ZNF608: variants seen among roughly 807,000 people sequenced by gnomAD.
The protein encoded by ZNF608 is zinc finger protein 608.
A neutral mutation model predicts 109.0 loss-of-function variants in ZNF608; 12 were observed. The ratio of observed to expected loss-of-function variants is 0.11; its 90% CI spans 0.07 to 0.18. The LOEUF is 0.18. Among genes scored for constraint, ZNF608 ranks in the 10% least tolerant of loss-of-function variants. The pLI is 1.00. For synonymous variants in ZNF608, 732 were observed against 717.4 expected (o/e 1.02, Z -0.33); for missense variants, 1,707 against 1,879.3 (o/e 0.91, Z 1.70).
chr5:124,716,367 C>A (rs1268564873), intron 2 of ZNF608, among the ~76,000 whole-genome samples: 1 of 151,530 alleles, frequency 6.6e-6, no homozygotes, highest in Non-Finnish European at 1.5e-5. Context: ...CCTTCAACCA[C>A]AAGTCATTTA....
At chr5:124,676,905 CA>C (rs1210191198) in intron 3 of ZNF608, among the ~76,000 whole-genome samples, 1 of 152,002 alleles carries the variant, frequency 6.6e-6, no homozygotes, top group Non-Finnish European at 1.5e-5. Context: ...ATAAAAACCA[CA>C]AAATTCAGGA....
chr5:124,664,433 A>G (rs1751394705), intron 3 of ZNF608, among the ~76,000 whole-genome samples: 1 of 152,230 alleles, frequency 6.6e-6, no homozygotes, highest in African/African-American at 2.4e-5. Context: ...TATTTTACAC[A>G]CTAGGCAGTT....
At chr5:124,638,996 G>T in intron 9 of ZNF608, 137 bp downstream of exon 9, 1 of 884,754 alleles carries the variant, frequency 1.1e-6, no homozygotes, top group Non-Finnish European at 1.8e-6. Context: ...AACTTATATT[G>T]GCATAATAAA....
intron 3 of ZNF608, among the ~76,000 whole-genome samples, chr5:124,685,531 A>C (rs1194232848): frequency 5.3e-5 from 8 of 151,498 alleles, no homozygotes; most frequent in Admixed American, 5.3e-4. Context: ...ACCCACTGGT[A>C]GAGTATCTGC....
rs376325729 is a variant in ZNF608, at chr5:124,733,142, C to T, written c.906+10942G>A. Among the ~76,000 whole-genome samples the T allele has an allele frequency of 2.0e-3, 307 of 151,714 alleles. 9 individuals carry two copies. In the South Asian group the frequency reaches 0.058, roughly 28 times the overall value. ...CTTTCACCTCATCCATAGGATTTGGCGACCAAGTAAATCTTAATCTGCAAA... is the reference window on the plus strand; with the variant it reads ...CTTTCACCTCATCCATAGGATTTGGTGACCAAGTAAATCTTAATCTGCAAA... On this transcript the variant is annotated intron_variant, in intron 2 of 9. Transcript: ENST00000513986.
At chr5:124,723,032 A>AG in intron 2 of ZNF608, among the ~76,000 whole-genome samples, 1 of 142,890 alleles carries the variant, frequency 7.0e-6, no homozygotes, top group South Asian at 2.3e-4. Context: ...TAAAAAAAAA[A>AG]TTTTTTTTTT....
intron 3 of ZNF608, among the ~76,000 whole-genome samples, chr5:124,667,915 C>A (rs535649539): frequency 2.6e-5 from 4 of 152,222 alleles, no homozygotes; most frequent in Non-Finnish European, 4.4e-5. Context: ...AGAGAGTGAA[C>A]AGAAGACTCC....
chr5:124,690,602 C>T (rs897857118), intron 3 of ZNF608, among the ~76,000 whole-genome samples: 1 of 152,038 alleles, frequency 6.6e-6, no homozygotes, highest in Non-Finnish European at 1.5e-5. Context: ...AATTGCAGCA[C>T]TTTGGGAGGC....
intron 3 of ZNF608, among the ~76,000 whole-genome samples, chr5:124,664,965 G>A (rs948838979): frequency 2.6e-5 from 4 of 152,086 alleles, no homozygotes; most frequent in African/African-American, 9.7e-5. Flanking sequence ...CACGAGGTCA[G>A]GAGTTTGAGA....
chr5:124,676,744 G>A (rs1378323607), intron 3 of ZNF608, among the ~76,000 whole-genome samples: 2 of 152,170 alleles, frequency 1.3e-5, no homozygotes, highest in African/African-American at 4.8e-5. Context: ...ACATGATGCA[G>A]CATTAACAGT....
intron 2 of ZNF608, among the ~76,000 whole-genome samples, chr5:124,736,809 G>A (rs1220391067): frequency 6.6e-6 from 1 of 152,174 alleles, no homozygotes; most frequent in East Asian, 1.9e-4. Context: ...TGACCAATTG[G>A]AACTTTGTCG....
chr5:124,730,402 T>G (rs1297565895), intron 2 of ZNF608, among the ~76,000 whole-genome samples: 8 of 152,242 alleles, frequency 5.3e-5, no homozygotes, highest in Non-Finnish European at 1.2e-4. Flanking sequence ...CAATCACCAG[T>G]ATATAGCTAT....
At chr5:124,640,491 C>A (rs540432928) in intron 8 of ZNF608, among the ~76,000 whole-genome samples, 1 of 152,036 alleles carries the variant, frequency 6.6e-6, no homozygotes, top group South Asian at 2.1e-4. Flanking sequence ...GGAAGAGAGG[C>A]CTGAGCAGAC....
At chr5:124,724,298 G>T (rs533693489) in intron 2 of ZNF608, among the ~76,000 whole-genome samples, 36 of 151,832 alleles carry the variant, frequency 2.4e-4, no homozygotes, top group Non-Finnish European at 4.4e-4. Context: ...GAACAGTCTG[G>T]GGGGCATAAG....
chr5:124,721,810 C>T (rs1158323116), intron 2 of ZNF608, among the ~76,000 whole-genome samples: 9 of 151,156 alleles, frequency 6.0e-5, no homozygotes, highest in African/African-American at 1.7e-4. Flanking sequence ...AGGTGGCGGG[C>T]GCCTGTCATC....
At chr5:124,716,626 G>C (rs763865909) in intron 2 of ZNF608, among the ~76,000 whole-genome samples, 1 of 152,118 alleles carries the variant, frequency 6.6e-6, no homozygotes, top group East Asian at 1.9e-4. Flanking sequence ...GGTGGAGTGG[G>C]GTAGGGTAGG....
chr5:124,722,597 ACACACAC>A (rs1454413886), intron 2 of ZNF608, among the ~76,000 whole-genome samples: 4 of 151,592 alleles, frequency 2.6e-5, no homozygotes, highest in Non-Finnish European at 4.4e-5. Flanking sequence ...ACACACACAC[ACACACAC>A]ACACACACAC....
intron 2 of ZNF608, among the ~76,000 whole-genome samples, chr5:124,727,747 T>G: frequency 6.8e-6 from 1 of 147,778 alleles, no homozygotes; most frequent in Admixed American, 6.7e-5. Flanking sequence ...TTTTTTTTTT[T>G]TTTTTTTTTA....
intron 2 of ZNF608, among the ~76,000 whole-genome samples, chr5:124,705,811 G>A (rs1004371242): frequency 2.0e-5 from 3 of 152,250 alleles, no homozygotes; most frequent in Non-Finnish European, 4.4e-5. Context: ...GATGAGTCCC[G>A]TACTACTACA....
Sources: gnomAD v4.1 joint callset for allele counts (sites outside exome capture counted in the v4.1 genomes callset) on GRCh38, gnomAD v4.1.1 for gene constraint, MANE v1.5 for transcripts, NCBI Gene and HGNC (gene_info 2026-07-23, HGNC 2026-07-21) for gene names.